ACADM: variants seen among roughly 807,000 people sequenced by gnomAD.
ACADM encodes the protein acyl-CoA dehydrogenase medium chain.
Under a neutral mutation model 58.9 loss-of-function variants are expected in ACADM, and 49 were observed. That is an observed-to-expected ratio of 0.83 (90% CI 0.66 to 1.06). The LOEUF is 1.06. Ranked by LOEUF, ACADM falls within the 50% of genes least tolerant of loss-of-function variation. The probability of loss-of-function intolerance (pLI) is 0.00; values close to 1 mark genes in which losing one functional copy is unlikely to be tolerated. For synonymous variants in ACADM, 160 were observed against 157.7 expected, an observed-to-expected ratio of 1.01 and a Z score of -0.11; for missense variants, 496 against 507.0, an observed-to-expected ratio of 0.98 and a Z score of 0.21.
At chr1:75,735,319 C>CAAAAAA (rs33952162) in intron 6 of ACADM, among the ~76,000 whole-genome samples, 1 of 101,816 alleles carries the variant, frequency 9.8e-6, no homozygotes, top group Non-Finnish European at 1.9e-5. Flanking sequence ...GACCCTGTCT[C>CAAAAAA]AAAAAAAAAA....
chr1:75,761,417 C>T (rs1376748184), intron 11 of ACADM, 47 bp downstream of exon 11: 2 of 1,590,852 alleles, frequency 1.3e-6, no homozygotes, highest in Non-Finnish European at 1.7e-6. Context: ...AGAGAATATT[C>T]ATAAATGACA....
Position 75,734,862 on chromosome 1 carries a change from A to G in ACADM, c.459A>G (p.Pro153=), listed in dbSNP as rs2100371183. The change falls in exon 6 of 12, where the codon CCA becomes CCG. Residue 153 remains proline (P), a synonymous_variant. Coordinates refer to ENST00000370841, the MANE Select transcript of ACADM (RefSeq NM_000016.6). ...ATTTGGGGAGAATGACTGAGGAGCC[A>G]TTGATGTGTGTGAGTATGTGTAACT... is the stretch of plus-strand genomic sequence containing the variant. The part of the protein sequence containing the change: ...KKYLGRMTEE[P]LMCAYCVTEP... The G allele has an allele frequency of 6.2e-7, 1 of 1,612,956 alleles. No individual in the cohort carries two copies. The highest frequency in any genetic ancestry group is 8.5e-7 in the Non-Finnish European group (1 of 1,179,012).
At chr1:75,740,921 G>C (rs898999290) in intron 7 of ACADM, among the ~76,000 whole-genome samples, 1 of 152,166 alleles carries the variant, frequency 6.6e-6, no homozygotes, top group Non-Finnish European at 1.5e-5. Flanking sequence ...TGGTTATTTT[G>C]GAAGAATCTT....
At position 75,745,891 on chromosome 1, in the gene ACADM, C is replaced by T. The variant is rs776976649; in HGVS notation, c.685C>T (p.Pro229Ser). ...FTGFIVEADT[P>S]GIQIGRKELN... Reference sequence around the variant, plus strand: ...TGGATTCATTGTGGAAGCAGATACCCCAGGAATTCAGATTGGGAGAAAGGT... The same window carrying T: ...TGGATTCATTGTGGAAGCAGATACCTCAGGAATTCAGATTGGGAGAAAGGT... The change falls in exon 8 of 12, where the codon CCA becomes TCA. Residue 229 changes from proline to serine, a missense_variant. By Grantham distance (74) the Pro-to-Ser change is moderately conservative (BLOSUM62 -1). Coordinates refer to ENST00000370841, the MANE Select transcript of ACADM (RefSeq NM_000016.6). 2.5e-6 allele frequency: 4 copies of T among 1,612,510 alleles called. No homozygotes were observed. In the South Asian group the frequency reaches 4.4e-5, roughly 18 times the overall value.
intron 7 of ACADM, chr1:75,743,855 C>G (rs1163378242): frequency 7.1e-6 from 10 of 1,413,344 alleles, no homozygotes; most frequent in Non-Finnish European, 9.0e-6. Context: ...TATACCACCT[C>G]TTTGGTTATA....
At chr1:75,744,817 G>A in intron 7 of ACADM, 1 of 498,958 alleles carries the variant, frequency 2.0e-6, no homozygotes, top group Non-Finnish European at 3.7e-6. Context: ...CTTTTCACAG[G>A]CAGCTCTATT....
chr1:75,744,778 G>A (rs1326620155), intron 7 of ACADM: 6 of 640,718 alleles, frequency 9.4e-6, no homozygotes, highest in Middle Eastern at 3.8e-4. Flanking sequence ...ACAGCATCAC[G>A]GCGGCCGGGT....
At chr1:75,742,404 A>G (rs1647627207) in intron 7 of ACADM, among the ~76,000 whole-genome samples, 1 of 152,200 alleles carries the variant, frequency 6.6e-6, no homozygotes, top group Admixed American at 6.5e-5. Context: ...CACGTCCTCC[A>G]AATCTGTGTC....
At chr1:75,735,877 T>C (rs1212299568) in intron 6 of ACADM, among the ~76,000 whole-genome samples, 1 of 149,862 alleles carries the variant, frequency 6.7e-6, no homozygotes, top group African/African-American at 2.5e-5. Flanking sequence ...GGGCTGGGCA[T>C]AGTGGCTCAC....
chr1:75,733,386 C>A, intron 4 of ACADM, 142 bp from the exon 5 acceptor site: 1 of 983,576 alleles, frequency 1.0e-6, no homozygotes, highest in Non-Finnish European at 1.5e-6. Flanking sequence ...ATTGTGCCAG[C>A]CAGAACACAT....
chr1:75,761,029 A>C, intron 10 of ACADM, 93 bp from the exon 11 acceptor site: 24 of 1,286,220 alleles, frequency 1.9e-5, no homozygotes, highest in Non-Finnish European at 2.5e-5. Flanking sequence ...CAACATAGCA[A>C]GACCCCGTCA....
chr1:75,745,806 G>A lies in ACADM; in HGVS notation c.600G>A (p.Trp200Ter), dbSNP rs1553124735. Residue 200 changes from tryptophan (W) to a stop codon, truncating the protein, a stop_gained and splice_region_variant, in exon 8 of 12, where the codon TGG becomes TGA. Transcript: ENST00000370841. LOFTEE classifies it high-confidence loss of function. The stretch of plus-strand genomic sequence containing the variant: ...ATTATCCGGTATGTGTATCTCTTAG[G>A]TATTTTTTATTGGCACGTTCTGATC... ...MWITNGGKAN[W>*]YFLLARSDPD... The A allele has an allele frequency of 6.2e-7, 1 of 1,607,552 alleles. No individual in the cohort carries two copies.
At position 75,732,736 on chromosome 1, in the gene ACADM, G is replaced by A; in HGVS notation, c.211G>A (p.Gly71Ser). 6.2e-7 allele frequency: 1 copy of A among 1,612,990 alleles called. No individual in the cohort carries two copies. Among genetic ancestry groups the A allele is most frequent in the Non-Finnish European group, 8.5e-7 (1 of 1,179,030 alleles). ...AGTGGCTGCAGAATATGATAAAACT[G>A]GTGAAGTAGGTATATACATTTTAAA... is the stretch of plus-strand genomic sequence containing the variant. The part of the protein sequence containing the change: ...IPVAAEYDKT[G>S]EYPVPLIRRA... The change falls in exon 3 of 12, where the codon GGT (glycine) becomes AGT (serine). Residue 71 changes from glycine (G) to serine (S), a missense_variant. Gly to Ser is a moderately conservative substitution (Grantham distance 56, BLOSUM62 0). Transcript: ENST00000370841.
chr1:75,737,611 A>G (rs2100382214), intron 6 of ACADM, among the ~76,000 whole-genome samples: 1 of 152,174 alleles, frequency 6.6e-6, no homozygotes, highest in South Asian at 2.1e-4. Flanking sequence ...AATCTAGTTC[A>G]GTTAACTTGA....
At chr1:75,737,803 T>TC (rs1647351709) in intron 6 of ACADM, among the ~76,000 whole-genome samples, 1 of 152,170 alleles carries the variant, frequency 6.6e-6, no homozygotes, top group Non-Finnish European at 1.5e-5. Flanking sequence ...CATTTTTTTT[T>TC]TTATAATTTT....
chr1:75,730,672 C>G (rs189359788), intron 2 of ACADM, among the ~76,000 whole-genome samples: 196 of 152,008 alleles, frequency 1.3e-3, no homozygotes, highest in African/African-American at 4.6e-3. Context: ...CCATGTCAAC[C>G]ACACCTAGCT....
chr1:75,756,085 A>G (rs1648490149), intron 10 of ACADM, among the ~76,000 whole-genome samples: 1 of 152,234 alleles, frequency 6.6e-6, no homozygotes, highest in Admixed American at 6.5e-5. Flanking sequence ...ATAGCTATTT[A>G]TGACAAACCC....
chr1:75,760,544 C>CAAAAA lies in ACADM; in HGVS notation c.946-546_946-542dup, dbSNP rs59063908. ...TGGAAAACAAAGTGAGACCCTGTCT[C>CAAAAA]AAAAAAAAAAAAAAAAAAAAAAAAA... On this transcript the variant is annotated intron_variant, in intron 10 of 11. Coordinates refer to ENST00000370841, the MANE Select transcript of ACADM (RefSeq NM_000016.6). 5.1e-4 allele frequency among the ~76,000 whole-genome samples: 18 copies of CAAAAA among 35,490 alleles called. 3 individuals carry two copies. Among genetic ancestry groups the CAAAAA allele is most frequent in the Admixed American group, 9.0e-4 (2 of 2,224 alleles). 23.3% of individuals were successfully genotyped at this position (35,490 alleles called of 152,430 possible). A position where few individuals can be genotyped will look rare whatever the true frequency, so the allele number is the denominator to read the frequency against.
In ACADM at chr1:75,724,778, G is replaced by T. The variant is rs753756738; in HGVS notation, c.-10G>T. 2 of 1,525,422 alleles carry T rather than the reference G, an allele frequency of 1.3e-6. No individual in the cohort carries two copies. Among genetic ancestry groups the T allele is most frequent in the Non-Finnish European group, 1.8e-6 (2 of 1,135,236 alleles). 94.5% of individuals were successfully genotyped at this position (1,525,422 alleles called of 1,614,324 possible). Reference sequence around the variant, plus strand: ...GTATTATTGTCCGAGTGGCCGGAACGGGAGCCAACATGGCAGCGGGGTTCG... The same window carrying T: ...GTATTATTGTCCGAGTGGCCGGAACTGGAGCCAACATGGCAGCGGGGTTCG... On this transcript the variant is annotated 5_prime_UTR_variant, in exon 1 of 12. Transcript: ENST00000370841.
Sources: gnomAD v4.1 joint callset for allele counts (sites outside exome capture counted in the v4.1 genomes callset) on GRCh38, gnomAD v4.1.1 for gene constraint, MANE v1.5 for transcripts, NCBI Gene and HGNC (gene_info 2026-07-23, HGNC 2026-07-21) for gene names.